Variants in PPP2R5E observed in about 807,000 individuals in gnomAD.
The protein encoded by PPP2R5E is protein phosphatase 2 regulatory subunit B'epsilon, also known as serine/threonine-protein phosphatase 2A 56 kDa regulatory subunit epsilon isoform.
Under a neutral mutation model 65.3 loss-of-function variants are expected in PPP2R5E, and 4 were observed. The ratio of observed to expected loss-of-function variants is 0.06; its 90% confidence interval spans 0.03 to 0.14. The LOEUF (loss-of-function observed/expected upper bound fraction) is 0.14. Among genes scored for constraint, PPP2R5E ranks in the 10% least tolerant of loss-of-function variants. The pLI is 1.00. For missense variants in PPP2R5E, 274 were observed against 556.1 expected (o/e 0.49, Z 5.10); for synonymous variants, 183 against 187.4 (o/e 0.98, Z 0.19).
chr14:63,421,524 T>C (rs1887023020), intron 4 of PPP2R5E, among the ~76,000 whole-genome samples: 1 of 152,226 alleles, frequency 6.6e-6, no homozygotes, highest in African/African-American at 2.4e-5. Context: ...CTTACAGTAC[T>C]GTGAACGAAA....
At chr14:63,492,391 T>C (rs1373107927) in intron 2 of PPP2R5E, among the ~76,000 whole-genome samples, 3 of 152,090 alleles carry the variant, frequency 2.0e-5, no homozygotes, top group East Asian at 1.9e-4. Flanking sequence ...TGGTTGACAA[T>C]GTAAAAAATT....
chr14:63,430,445 GAAT>G (rs1213069651), intron 3 of PPP2R5E, among the ~76,000 whole-genome samples: 1 of 144,218 alleles, frequency 6.9e-6, no homozygotes, highest in Non-Finnish European at 1.5e-5. Flanking sequence ...TCAACTGTAA[GAAT>G]AAGAACTAAA....
rs1885159455 is a variant in PPP2R5E at position 63,393,718 on chromosome 14, C to CCAA, written c.849+101_849+102insTTG. 8.8e-6 allele frequency: 7 copies of CCAA among 797,186 alleles called. No homozygotes were observed. In the African/African-American group the frequency reaches 1.3e-4, roughly 15 times the overall value. The allele number at this position is 797,186 out of a possible 1,614,324, so 49.4% of individuals were successfully genotyped here. ...CAGAGCAAGACTCCGTCTCAAAAAACAAAAACCAAAAAAACAAAATGAAGG... is the reference window on the plus strand; with the variant it reads ...CAGAGCAAGACTCCGTCTCAAAAAACCAAAAAAACCAAAAAAACAAAATGAAGG... On this transcript the variant is annotated intron_variant, in intron 8 of 13. Transcript: ENST00000337537.
chr14:63,482,730 A>G (rs754119669), intron 2 of PPP2R5E, among the ~76,000 whole-genome samples: 14 of 152,160 alleles, frequency 9.2e-5, no homozygotes, highest in Non-Finnish European at 8.8e-5. Flanking sequence ...GTTTAATTAT[A>G]TTTACTTTTA....
At chr14:63,501,797 G>A (rs974999178) in intron 2 of PPP2R5E, among the ~76,000 whole-genome samples, 13 of 152,180 alleles carry the variant, frequency 8.5e-5, no homozygotes, top group African/African-American at 2.9e-4. Flanking sequence ...ATAAAAAGTG[G>A]AAAAGACAGT....
intron 2 of PPP2R5E, among the ~76,000 whole-genome samples, chr14:63,531,460 A>G (rs1893431429): frequency 6.8e-6 from 1 of 146,762 alleles, no homozygotes; most frequent in Non-Finnish European, 1.5e-5. Context: ...TAAAACTTAA[A>G]GTATAATAAT....
At chr14:63,437,153 G>T (rs552379850) in intron 3 of PPP2R5E, among the ~76,000 whole-genome samples, 18 of 152,130 alleles carry the variant, frequency 1.2e-4, no homozygotes, top group Admixed American at 6.5e-4. Context: ...AAATGCCATG[G>T]CAATGTCAAG....
intron 11 of PPP2R5E, among the ~76,000 whole-genome samples, chr14:63,385,924 A>G (rs928546077): frequency 2.9e-4 from 44 of 152,090 alleles, no homozygotes; most frequent in African/African-American, 1.1e-3. Context: ...TCTGCCCACC[A>G]TGCTATCAAC....
intron 2 of PPP2R5E, among the ~76,000 whole-genome samples, chr14:63,524,109 T>A (rs1448979141): frequency 6.6e-6 from 1 of 152,228 alleles, no homozygotes; most frequent in East Asian, 1.9e-4. Flanking sequence ...TGGTGCCAAG[T>A]CTCAATTTGC....
intron 5 of PPP2R5E, among the ~76,000 whole-genome samples, chr14:63,407,349 T>C (rs1298021048): frequency 1.3e-5 from 2 of 152,164 alleles, no homozygotes; most frequent in Non-Finnish European, 2.9e-5. Context: ...GAGCTTTAGA[T>C]TTTCAAAGGG....
At chr14:63,440,654 C>T (rs566573596) in intron 3 of PPP2R5E, among the ~76,000 whole-genome samples, 1 of 151,838 alleles carries the variant, frequency 6.6e-6, no homozygotes, top group Non-Finnish European at 1.5e-5. Context: ...AGCATGGGTT[C>T]TGGGCCGGGT....
chr14:63,412,644 G>A (rs1886456172), intron 5 of PPP2R5E, among the ~76,000 whole-genome samples: 1 of 152,214 alleles, frequency 6.6e-6, no homozygotes, highest in Non-Finnish European at 1.5e-5. Context: ...AGGCAAATGG[G>A]CTAGTTCATT....
At chr14:63,501,165 C>T (rs1366054264) in intron 2 of PPP2R5E, among the ~76,000 whole-genome samples, 2 of 151,844 alleles carry the variant, frequency 1.3e-5, no homozygotes, top group Non-Finnish European at 2.9e-5. Flanking sequence ...TTTGGGAGGC[C>T]GAGGCGGGCA....
In PPP2R5E at chr14:63,533,429, C is replaced by T. The variant is rs868650851; in HGVS notation, c.157+6100G>A. ...ATACAAAATTAGCCGGGCATGGAGG[C>T]GCATGCCTGTAATCCCAGCTACTTG... is the stretch of plus-strand genomic sequence containing the variant. On this transcript the variant is annotated intron_variant, in intron 2 of 13. Coordinates refer to ENST00000337537, the MANE Select transcript of PPP2R5E (RefSeq NM_006246.5). Among the ~76,000 whole-genome samples the T allele has an allele frequency of 2.1e-4, 32 of 151,736 alleles. No homozygotes were observed. In the South Asian group the frequency reaches 4.4e-3, roughly 21 times the overall value.
At chr14:63,505,879 T>C (rs1892146029) in intron 2 of PPP2R5E, among the ~76,000 whole-genome samples, 1 of 152,056 alleles carries the variant, frequency 6.6e-6, no homozygotes, top group Non-Finnish European at 1.5e-5. Context: ...TACAAAGCAA[T>C]GTGGGGAGTA....
intron 5 of PPP2R5E, among the ~76,000 whole-genome samples, chr14:63,404,588 A>G (rs1303432880): frequency 6.6e-6 from 1 of 152,232 alleles, no homozygotes; most frequent in Non-Finnish European, 1.5e-5. Context: ...AGAAAGGACA[A>G]TGGGGACAAG....
intron 2 of PPP2R5E, among the ~76,000 whole-genome samples, chr14:63,484,224 A>G (rs1329416838): frequency 1.3e-5 from 2 of 152,104 alleles, no homozygotes; most frequent in Non-Finnish European, 2.9e-5. Context: ...GTAGCTGGAA[A>G]TACAAGTCTG....
At chr14:63,542,372 G>A (rs906576647) in intron 1 of PPP2R5E, among the ~76,000 whole-genome samples, 6 of 152,090 alleles carry the variant, frequency 3.9e-5, no homozygotes, top group African/African-American at 1.4e-4. Context: ...GGGAAGTAGG[G>A]AAAGACAGGG....
At chr14:63,508,311 T>C (rs897813686) in intron 2 of PPP2R5E, 13 of 679,644 alleles carry the variant, frequency 1.9e-5, no homozygotes, top group Non-Finnish European at 2.4e-5. Context: ...CTGTCACTCT[T>C]TGTTCTGTCA....
Sources: gnomAD v4.1 joint callset for allele counts (sites outside exome capture counted in the v4.1 genomes callset) on GRCh38, gnomAD v4.1.1 for gene constraint, MANE v1.5 for transcripts, NCBI Gene and HGNC (gene_info 2026-07-23, HGNC 2026-07-21) for gene names.